The following CDH13 variants were observed in gnomAD, a reference collection of about 807,000 sequenced individuals.
CDH13 encodes the protein cadherin-13.
CDH13 carries 24 observed loss-of-function variants against 63.8 expected under a neutral mutation model. The observed-to-expected ratio is 0.38, with a 90% confidence interval of 0.27 to 0.53. The LOEUF (loss-of-function observed/expected upper bound fraction) is 0.53, where lower values mean the gene tolerates loss of function less well. Among genes scored for constraint, CDH13 ranks in the 20% least tolerant of loss-of-function variants. CDH13 has a pLI of 0.85. For missense variants in CDH13, 1,049 were observed against 903.1 expected, an observed-to-expected ratio of 1.16 and a Z score of -2.07; for synonymous variants, 503 against 355.3, an observed-to-expected ratio of 1.42 and a Z score of -4.67.
At chr16:83,122,163 C>A (rs1039121063) in intron 3 of CDH13, among the ~76,000 whole-genome samples, 30 of 152,268 alleles carry the variant, frequency 2.0e-4, no homozygotes, top group African/African-American at 6.7e-4. Context: ...AAATGATATT[C>A]TTTTTCAATT....
chr16:82,940,854 G>T (rs1004996699), intron 2 of CDH13, among the ~76,000 whole-genome samples: 1 of 152,118 alleles, frequency 6.6e-6, no homozygotes, highest in Non-Finnish European at 1.5e-5. Context: ...ACTCAACCCA[G>T]CTGCAAGCTT....
At chr16:83,077,186 C>T (rs199583013) in intron 3 of CDH13, among the ~76,000 whole-genome samples, 339 of 59,116 alleles carry the variant, frequency 5.7e-3, no homozygotes, top group Middle Eastern at 0.019. Flanking sequence ...TTTTTCTTTT[C>T]TTTTTTTTTT....
chr16:82,679,404 A>G (rs3844418), intron 1 of CDH13, among the ~76,000 whole-genome samples: 71,083 of 152,028 alleles, frequency 0.47, 17,989 homozygotes, highest in Non-Finnish European at 0.58. Context: ...TAGTTTACCT[A>G]TGGACTTTCA....
intron 4 of CDH13, among the ~76,000 whole-genome samples, chr16:83,134,699 C>G (rs892594040): frequency 6.6e-6 from 1 of 152,080 alleles, no homozygotes; most frequent in East Asian, 1.9e-4. Flanking sequence ...CAACTGAACA[C>G]AGTCAATTCT....
intron 2 of CDH13, among the ~76,000 whole-genome samples, chr16:82,885,903 C>G (rs909008492): frequency 2.6e-5 from 4 of 152,132 alleles, no homozygotes; most frequent in African/African-American, 9.7e-5. Context: ...GACAAAGTGC[C>G]TGGCATAGAG....
chr16:83,548,317 G>C (rs1256252281), intron 7 of CDH13, among the ~76,000 whole-genome samples: 2 of 152,100 alleles, frequency 1.3e-5, no homozygotes, highest in Non-Finnish European at 2.9e-5. Context: ...ATATTTTTTG[G>C]TTGTTGCAAC....
At chr16:82,975,070 G>A (rs180866315) in intron 2 of CDH13, among the ~76,000 whole-genome samples, 3 of 152,266 alleles carry the variant, frequency 2.0e-5, no homozygotes, top group South Asian at 2.1e-4. Flanking sequence ...GGCCCAACTC[G>A]TCTTTCTGAT....
intron 1 of CDH13, among the ~76,000 whole-genome samples, chr16:82,842,538 G>T (rs1043082970): frequency 1.3e-5 from 2 of 152,018 alleles, no homozygotes; most frequent in African/African-American, 4.8e-5. Flanking sequence ...CCTCCATGAG[G>T]ACTCAGTTAA....
At chr16:82,630,259 T>A (rs1240758364) in intron 1 of CDH13, among the ~76,000 whole-genome samples, 1 of 152,202 alleles carries the variant, frequency 6.6e-6, no homozygotes, top group Admixed American at 6.5e-5. Flanking sequence ...TGACAGCCTG[T>A]AAGATTTCCA....
At chr16:83,005,176 A>G (rs969757592) in intron 2 of CDH13, among the ~76,000 whole-genome samples, 1 of 152,172 alleles carries the variant, frequency 6.6e-6, no homozygotes, top group Non-Finnish European at 1.5e-5. Context: ...TTACAAGAAG[A>G]CACAATTTCT....
At chr16:83,324,800 C>G (rs928912331) in intron 5 of CDH13, among the ~76,000 whole-genome samples, 3 of 152,180 alleles carry the variant, frequency 2.0e-5, no homozygotes, top group African/African-American at 7.2e-5. Context: ...TATGCTCACT[C>G]TAGGCTGAAC....
In CDH13 at chr16:83,393,156, C is replaced by T. The variant is rs117421235; in HGVS notation, c.781+48150C>T. Among the ~76,000 whole-genome samples the T allele has an allele frequency of 8.2e-3, 1,255 of 152,274 alleles. 9 individuals are homozygous for T. Among genetic ancestry groups the T allele is most frequent in the Non-Finnish European group, 8.9e-3 (603 of 68,022 alleles). On this transcript the variant is annotated intron_variant, in intron 6 of 13. Coordinates refer to ENST00000567109, the MANE Select transcript of CDH13 (RefSeq NM_001257.5). ...CCCAAGGATACATCTGGTGCTATTC[C>T]GTGAGACCATGTCACCCAGAGCTGG...
chr16:82,737,651 A>G (rs551069554), intron 1 of CDH13, among the ~76,000 whole-genome samples: 1 of 152,284 alleles, frequency 6.6e-6, no homozygotes, highest in African/African-American at 2.4e-5. Context: ...TTGATTTTTG[A>G]CTGATGACCC....
chr16:82,661,952 A>G (rs1275210839), intron 1 of CDH13, among the ~76,000 whole-genome samples: 1 of 152,240 alleles, frequency 6.6e-6, no homozygotes, highest in African/African-American at 2.4e-5. Flanking sequence ...ATTAAAGAAA[A>G]TTGAAAATTC....
chr16:83,390,998 T>C (rs2091774668), intron 6 of CDH13, among the ~76,000 whole-genome samples: 1 of 152,132 alleles, frequency 6.6e-6, no homozygotes, highest in Admixed American at 6.5e-5. Context: ...GAGGATTTAA[T>C]TGCTGATTCA....
At chr16:83,299,968 G>C (rs2089693627) in intron 5 of CDH13, among the ~76,000 whole-genome samples, 1 of 152,318 alleles carries the variant, frequency 6.6e-6, no homozygotes, top group Non-Finnish European at 1.5e-5. Flanking sequence ...AAGCTCACTT[G>C]ATTGTTAACA....
rs921228142 is a variant in CDH13, at chr16:82,769,796, A to G, written c.46-88566A>G. On this transcript the variant is annotated intron_variant, in intron 1 of 13. Coordinates refer to ENST00000567109, the MANE Select transcript of CDH13 (RefSeq NM_001257.5). ...TTTTCTAATGCATCAGCAAGAACACATTTACCGGAATGCATTGCAATTAAA... is the reference window on the plus strand; with the variant it reads ...TTTTCTAATGCATCAGCAAGAACACGTTTACCGGAATGCATTGCAATTAAA... 2.6e-5 allele frequency among the ~76,000 whole-genome samples: 4 copies of G among 152,222 alleles called. No homozygotes were observed. In the East Asian group the frequency reaches 7.7e-4, roughly 29 times the overall value.
At chr16:83,485,524 C>G (rs1172533836) in intron 6 of CDH13, among the ~76,000 whole-genome samples, 1 of 152,158 alleles carries the variant, frequency 6.6e-6, no homozygotes, top group Non-Finnish European at 1.5e-5. Context: ...AACACGGCTG[C>G]TACATAGTAG....
chr16:83,586,459 G>A (rs924858831), intron 7 of CDH13, among the ~76,000 whole-genome samples: 3 of 152,222 alleles, frequency 2.0e-5, no homozygotes, highest in Admixed American at 1.3e-4. Flanking sequence ...TATTATTGGC[G>A]AAGAAGAGCA....
Sources: gnomAD v4.1 joint callset for allele counts (sites outside exome capture counted in the v4.1 genomes callset) on GRCh38, gnomAD v4.1.1 for gene constraint, MANE v1.5 for transcripts, NCBI Gene and HGNC (gene_info 2026-07-23, HGNC 2026-07-21) for gene names.